TMEM178B: variants seen among roughly 807,000 people sequenced by gnomAD.
The protein encoded by TMEM178B is transmembrane protein 178B.
A neutral mutation model predicts 31.0 loss-of-function variants in TMEM178B; 5 were observed. The ratio of observed to expected loss-of-function variants is 0.16; its 90% CI spans 0.08 to 0.34. TMEM178B has a LOEUF of 0.34. TMEM178B is among the 10% of genes least tolerant of loss of function. The pLI, the probability that TMEM178B is intolerant of heterozygous loss-of-function variation, is 1.00. For synonymous variants in TMEM178B, 164 were observed against 164.0 expected (o/e 1.00, Z 0.00); for missense variants, 275 against 400.3 (o/e 0.69, Z 2.67).
rs1797814248 is a variant in TMEM178B at position 141,250,541 on chromosome 7, T to C, written c.496+37837T>C. On this transcript the variant is annotated intron_variant, in intron 2 of 3. Transcript: ENST00000565468. ...TGACAGAGTAGGGAGAACCACTTAGTTCCAGGAGCTCAAAGGAAAGAACAC... is the reference window on the plus strand; with the variant it reads ...TGACAGAGTAGGGAGAACCACTTAGCTCCAGGAGCTCAAAGGAAAGAACAC... Among the ~76,000 whole-genome samples the C allele has an allele frequency of 1.3e-5, 2 of 152,178 alleles. 1 individual carries two copies. Among genetic ancestry groups the C allele is most frequent in the Admixed American group, 1.3e-4 (2 of 15,282 alleles).
chr7:141,332,715 G>C (rs1396078101), intron 2 of TMEM178B, among the ~76,000 whole-genome samples: 1 of 152,212 alleles, frequency 6.6e-6, no homozygotes, highest in East Asian at 1.9e-4. Flanking sequence ...TTTCCTGCCT[G>C]CAACTCTATT....
At chr7:141,339,637 A>G (rs1400050697) in intron 2 of TMEM178B, among the ~76,000 whole-genome samples, 1 of 152,210 alleles carries the variant, frequency 6.6e-6, no homozygotes, top group Non-Finnish European at 1.5e-5. Context: ...CATGAAAGAA[A>G]ATGTAAACAT....
At chr7:141,349,403 G>C (rs752592211) in intron 2 of TMEM178B, among the ~76,000 whole-genome samples, 44 of 152,124 alleles carry the variant, frequency 2.9e-4, no homozygotes, top group Admixed American at 3.9e-4. Context: ...AGACAGGAAA[G>C]GGGCCCAGAC....
chr7:141,144,997 A>G (rs1052716020), intron 1 of TMEM178B, among the ~76,000 whole-genome samples: 1 of 152,144 alleles, frequency 6.6e-6, no homozygotes, highest in African/African-American at 2.4e-5. Flanking sequence ...TGGAGTCTTT[A>G]GTTGCTATCT....
intron 1 of TMEM178B, among the ~76,000 whole-genome samples, chr7:141,108,441 GA>G (rs1250594666): frequency 6.6e-6 from 1 of 152,214 alleles, no homozygotes; most frequent in African/African-American, 2.4e-5. Context: ...TAGCAGGAAA[GA>G]AAGCAGAGTG....
intron 2 of TMEM178B, among the ~76,000 whole-genome samples, chr7:141,335,803 A>G (rs1307782899): frequency 6.6e-6 from 1 of 151,876 alleles, no homozygotes; most frequent in African/African-American, 2.4e-5. Flanking sequence ...GGCTGGGGAG[A>G]TGGTGTGTGT....
At chr7:141,175,990 C>A (rs997836044) in intron 1 of TMEM178B, among the ~76,000 whole-genome samples, 2 of 152,138 alleles carry the variant, frequency 1.3e-5, no homozygotes, top group Admixed American at 6.5e-5. Flanking sequence ...ACTTCTAATA[C>A]TATGTTGAAT....
chr7:141,219,090 T>C (rs1284295400), intron 2 of TMEM178B, among the ~76,000 whole-genome samples: 1 of 152,206 alleles, frequency 6.6e-6, no homozygotes, highest in Non-Finnish European at 1.5e-5. Context: ...TTCAGTCAGC[T>C]GTAATGCTGC....
chr7:141,414,552 G>A (rs193029012), intron 2 of TMEM178B: 2 of 152,628 alleles, frequency 1.3e-5, no homozygotes, highest in Admixed American at 6.5e-5. Flanking sequence ...TTGGTCAGCC[G>A]ATAACATTTG....
Position 141,344,809 on chromosome 7 carries a change from A to G in TMEM178B, c.497-92799A>G, listed in dbSNP as rs1799589824. Among the ~76,000 whole-genome samples, 1 of 152,194 alleles carries G rather than the reference A, an allele frequency of 6.6e-6. No homozygotes were observed. The highest frequency in any genetic ancestry group is 1.5e-5 in the Non-Finnish European group (1 of 68,036). ...AGATTTCAAACTTTTGGAACTCAGA[A>G]CGAGCTGTCTGTTAACTGTGGCTCT... On this transcript the variant is annotated intron_variant, in intron 2 of 3. Transcript: ENST00000565468. This position sits in a 1 kb window ranked among gnomAD's most constrained non-coding sequence, Gnocchi z 4.1.
chr7:141,420,192 GC>G (rs35162161), intron 2 of TMEM178B, among the ~76,000 whole-genome samples: 37,381 of 150,172 alleles, frequency 0.25, 5,608 homozygotes, highest in Non-Finnish European at 0.33. Flanking sequence ...ATTTATCACT[GC>G]CCCCCCCCAC....
intron 1 of TMEM178B, among the ~76,000 whole-genome samples, chr7:141,117,353 G>A (rs1270882683): frequency 6.6e-6 from 1 of 151,920 alleles, no homozygotes; most frequent in Non-Finnish European, 1.5e-5. Flanking sequence ...CCCACTTTTT[G>A]ATGGTTTTTT....
intron 1 of TMEM178B, among the ~76,000 whole-genome samples, chr7:141,096,606 C>T (rs756572391): frequency 6.6e-6 from 1 of 152,190 alleles, no homozygotes; most frequent in Non-Finnish European, 1.5e-5. Context: ...GCGGTGTAAC[C>T]AGGGAGGGCA....
intron 2 of TMEM178B, among the ~76,000 whole-genome samples, chr7:141,314,098 T>G (rs1798959890): frequency 6.6e-6 from 1 of 152,198 alleles, no homozygotes; most frequent in Admixed American, 6.5e-5. Context: ...CTGACATCTC[T>G]TTCATTTAGT....
Position 141,074,832 on chromosome 7 carries a change from C to A in TMEM178B, c.382+140C>A. 8.1e-7 allele frequency: 1 copy of A among 1,231,424 alleles called. No individual in the cohort carries two copies. Among genetic ancestry groups the A allele is most frequent in the Non-Finnish European group, 1.1e-6 (1 of 916,526 alleles). 76.3% of individuals were successfully genotyped at this position (1,231,424 alleles called of 1,614,324 possible). A position where few individuals can be genotyped will look rare whatever the true frequency, so the allele number is the denominator to read the frequency against. Reference sequence around the variant, plus strand: ...TCCGGTTATCCAGGCCTGGCTGAGCCTCGGGGCCAGGACTTGCCTCCCAAT... The same window carrying A: ...TCCGGTTATCCAGGCCTGGCTGAGCATCGGGGCCAGGACTTGCCTCCCAAT... On this transcript the variant is annotated intron_variant, in intron 1 of 3. Transcript: ENST00000565468. The surrounding 1 kb of genome is among the most constrained non-coding windows in gnomAD (Gnocchi z 5.1).
At chr7:141,430,457 T>C (rs1445180501) in intron 2 of TMEM178B, among the ~76,000 whole-genome samples, 3 of 152,186 alleles carry the variant, frequency 2.0e-5, no homozygotes, top group African/African-American at 7.2e-5. Context: ...TCTTAACAGC[T>C]CTTTGAAGTA....
At chr7:141,170,364 G>A (rs532893399) in intron 1 of TMEM178B, among the ~76,000 whole-genome samples, 21 of 152,162 alleles carry the variant, frequency 1.4e-4, no homozygotes, top group African/African-American at 4.1e-4. Flanking sequence ...GGTATAATCC[G>A]TCTTACAGTG....
intron 2 of TMEM178B, among the ~76,000 whole-genome samples, chr7:141,418,866 A>G (rs558278508): frequency 6.6e-6 from 1 of 152,098 alleles, no homozygotes; most frequent in South Asian, 2.1e-4. Flanking sequence ...AAACTTGACA[A>G]ATTTCTCTTC....
intron 1 of TMEM178B, among the ~76,000 whole-genome samples, chr7:141,094,144 T>A (rs1409146938): frequency 6.6e-6 from 1 of 151,884 alleles, no homozygotes; most frequent in Non-Finnish European, 1.5e-5. Context: ...CAGGAGCAAC[T>A]GCTGGATAGG....
Sources: allele counts gnomAD v4.1 joint callset (sites outside exome capture counted in the v4.1 genomes callset), GRCh38; gene constraint gnomAD v4.1.1; non-coding constraint Gnocchi (gnomAD v3.1); transcripts MANE v1.5; gene names NCBI Gene and HGNC (gene_info 2026-07-23, HGNC 2026-07-21).